Variants in RFX3 observed in about 807,000 individuals in gnomAD.
The protein encoded by RFX3 is transcription factor RFX3.
RFX3 carries 14 observed loss-of-function variants against 98.6 expected under a neutral mutation model. The observed-to-expected ratio is 0.14, with a 90% CI of 0.09 to 0.22. RFX3 has a LOEUF of 0.22. Among genes scored for constraint, RFX3 ranks in the 10% least tolerant of loss-of-function variants. RFX3 has a pLI of 1.00. For missense variants in RFX3, 639 were observed against 926.9 expected, an observed-to-expected ratio of 0.69 and a Z score of 4.03; for synonymous variants, 383 against 328.4, an observed-to-expected ratio of 1.17 and a Z score of -1.80.
intron 1 of RFX3, among the ~76,000 whole-genome samples, chr9:3,466,937 G>A (rs16924266): frequency 0.17 from 25,329 of 149,616 alleles, 3,218 homozygotes; most frequent in African/African-American, 0.36. Flanking sequence ...TCCAACCCCC[G>A]GAGGTATTCA....
intron 13 of RFX3, among the ~76,000 whole-genome samples, chr9:3,261,144 T>C (rs965484478): frequency 3.9e-5 from 6 of 152,084 alleles, no homozygotes; most frequent in Non-Finnish European, 5.9e-5. Flanking sequence ...TACTGAAATG[T>C]AATTCACATA....
chr9:3,383,679 A>T (rs562648715), intron 2 of RFX3, among the ~76,000 whole-genome samples: 1 of 152,320 alleles, frequency 6.6e-6, no homozygotes, highest in South Asian at 2.1e-4. Context: ...TCAGTTCACA[A>T]GGGCTGTAAG....
At chr9:3,292,538 AT>A (rs1357010859) in intron 6 of RFX3, among the ~76,000 whole-genome samples, 1 of 152,228 alleles carries the variant, frequency 6.6e-6, no homozygotes, top group Non-Finnish European at 1.5e-5. Context: ...TTTAAACAAT[AT>A]TTTGCAAGTT....
chr9:3,482,068 G>C (rs1005329692), intron 1 of RFX3, among the ~76,000 whole-genome samples: 1 of 151,952 alleles, frequency 6.6e-6, no homozygotes, highest in African/African-American at 2.4e-5. Flanking sequence ...TAATTGGACA[G>C]CTACACAAAG....
chr9:3,253,331 T>G (rs1053512474), intron 14 of RFX3, among the ~76,000 whole-genome samples: 3 of 152,228 alleles, frequency 2.0e-5, no homozygotes, highest in Non-Finnish European at 4.4e-5. Context: ...AGAGTATTAC[T>G]TTTTGGAAGA....
intron 1 of RFX3, among the ~76,000 whole-genome samples, chr9:3,507,041 T>G (rs1306202645): frequency 6.6e-6 from 1 of 151,928 alleles, no homozygotes; most frequent in Non-Finnish European, 1.5e-5. Flanking sequence ...TATTCATTGT[T>G]TCTACTAGAA....
intron 9 of RFX3, among the ~76,000 whole-genome samples, chr9:3,271,821 AG>A (rs1428032931): frequency 6.6e-6 from 1 of 152,206 alleles, no homozygotes; most frequent in African/African-American, 2.4e-5. Context: ...CCAGCCAAAC[AG>A]AGGCTGGGGC....
intron 2 of RFX3, among the ~76,000 whole-genome samples, chr9:3,356,001 A>C (rs1249746752): frequency 6.6e-6 from 1 of 151,852 alleles, no homozygotes; most frequent in African/African-American, 2.4e-5. Flanking sequence ...ATGTTACTGA[A>C]AATATATCAT....
At chr9:3,467,042 ATATATGTATATACATACATATATATAAG>A (rs1848297943) in intron 1 of RFX3, among the ~76,000 whole-genome samples, 7 of 144,686 alleles carry the variant, frequency 4.8e-5, no homozygotes, top group Non-Finnish European at 7.5e-5. Flanking sequence ...ATATATATAT[ATATATGTATATACATACATATATATAAG>A]TATATATGTA....
At chr9:3,277,738 C>G (rs932722241) in intron 7 of RFX3, among the ~76,000 whole-genome samples, 6 of 151,914 alleles carry the variant, frequency 3.9e-5, no homozygotes, top group Admixed American at 3.3e-4. Flanking sequence ...TTTCTTTGGA[C>G]AGCAGGAGCA....
At chr9:3,467,836 G>A (rs1564140620) in intron 1 of RFX3, among the ~76,000 whole-genome samples, 1 of 152,120 alleles carries the variant, frequency 6.6e-6, no homozygotes, top group African/African-American at 2.4e-5. Context: ...CAGACACAGA[G>A]TTGTCAACAA....
intron 1 of RFX3, among the ~76,000 whole-genome samples, chr9:3,419,464 T>C (rs748231235): frequency 1.3e-5 from 2 of 152,212 alleles, no homozygotes; most frequent in East Asian, 3.8e-4. Context: ...TAATCCATGC[T>C]CTGTCTTTTT....
At chr9:3,398,911 T>TAAAA (rs1841181939) in intron 1 of RFX3, among the ~76,000 whole-genome samples, 1 of 36,624 alleles carries the variant, frequency 2.7e-5, no homozygotes, top group African/African-American at 2.4e-4. Flanking sequence ...ACTTAGAGTA[T>TAAAA]AATAAAAAAA....
chr9:3,404,796 A>G (rs968353818), intron 1 of RFX3, among the ~76,000 whole-genome samples: 3 of 152,178 alleles, frequency 2.0e-5, no homozygotes, highest in African/African-American at 4.8e-5. Context: ...TAAAATGGGG[A>G]AAAAAACTCT....
intron 1 of RFX3, among the ~76,000 whole-genome samples, chr9:3,414,958 GTATATATTCATATATACACTTA>G (rs1842830322): frequency 7.7e-6 from 1 of 129,888 alleles, no homozygotes; most frequent in Non-Finnish European, 1.6e-5. Context: ...ATATGTGTGT[GTATATATTCATATATACACTTA>G]TATATACTCA....
At chr9:3,265,469 A>G (rs1054316031) in intron 12 of RFX3, among the ~76,000 whole-genome samples, 60 of 152,320 alleles carry the variant, frequency 3.9e-4, no homozygotes, top group African/African-American at 1.4e-3. Flanking sequence ...AAGGCAAAGT[A>G]TATTGCTGGA....
At chr9:3,523,734 C>T (rs1346807535) in intron 1 of RFX3, among the ~76,000 whole-genome samples, 3 of 151,894 alleles carry the variant, frequency 2.0e-5, no homozygotes, top group Non-Finnish European at 4.4e-5. Flanking sequence ...CTTCACCATC[C>T]AAAAGTGTTC....
intron 4 of RFX3, among the ~76,000 whole-genome samples, chr9:3,310,108 G>A (rs1829789429): frequency 6.6e-6 from 1 of 152,196 alleles, no homozygotes; most frequent in Non-Finnish European, 1.5e-5. Flanking sequence ...AAGTAATCGA[G>A]ACTGGCTGGA....
chr9:3,466,474 G>C (rs1848231788), intron 1 of RFX3, among the ~76,000 whole-genome samples: 2 of 152,152 alleles, frequency 1.3e-5, no homozygotes, highest in South Asian at 2.1e-4. Flanking sequence ...TGAATTAAAA[G>C]ATGAAGAACA....
Sources: gnomAD v4.1 joint callset for allele counts (sites outside exome capture counted in the v4.1 genomes callset) on GRCh38, gnomAD v4.1.1 for gene constraint, MANE v1.5 for transcripts, NCBI Gene and HGNC (gene_info 2026-07-23, HGNC 2026-07-21) for gene names.